KHDRBS2: variants seen among roughly 807,000 people sequenced by gnomAD.
The protein encoded by KHDRBS2 is KH RNA binding domain containing, signal transduction associated 2, also known as KH domain-containing, RNA-binding, signal transduction-associated protein 2.
In KHDRBS2, 26 loss-of-function variants were observed where a neutral mutation model predicts 44.3. The ratio of observed to expected loss-of-function variants is 0.59; its 90% CI spans 0.43 to 0.81. The LOEUF (loss-of-function observed/expected upper bound fraction) is 0.81, where lower values mean the gene tolerates loss of function less well. Among genes scored for constraint, KHDRBS2 ranks in the 40% least tolerant of loss-of-function variants. The probability of loss-of-function intolerance (pLI) is 0.00; values close to 1 mark genes in which losing one functional copy is unlikely to be tolerated. For synonymous variants in KHDRBS2, 194 were observed against 151.1 expected (o/e 1.28, Z -2.08); for missense variants, 476 against 433.1 (o/e 1.10, Z -0.88).
At chr6:61,752,875 C>T (rs1328121309) in intron 6 of KHDRBS2, among the ~76,000 whole-genome samples, 1 of 151,976 alleles carries the variant, frequency 6.6e-6, no homozygotes, top group Non-Finnish European at 1.5e-5. Context: ...TTAATGTAGT[C>T]AGAGCAGGCT....
At position 61,826,380 on chromosome 6, in the gene KHDRBS2, A is replaced by ATCTGC. The variant is rs1202391315; in HGVS notation, c.810+68250_810+68254dup. 2.0e-5 allele frequency among the ~76,000 whole-genome samples: 3 copies of ATCTGC among 152,210 alleles called. No individual in the cohort carries two copies. In the East Asian group the frequency reaches 5.8e-4, roughly 30 times the overall value. ...GAGGATGTATATCTCCCTCTGCCAC[A>ATCTGC]TCTGCTCTCTTCTGATGGGCCAAGG... On this transcript the variant is annotated intron_variant, in intron 6 of 8. Coordinates refer to ENST00000281156, the MANE Select transcript of KHDRBS2 (RefSeq NM_152688.4).
At chr6:61,974,923 TCC>T (rs1554300703) in intron 4 of KHDRBS2, among the ~76,000 whole-genome samples, 1 of 141,760 alleles carries the variant, frequency 7.1e-6, no homozygotes, top group Non-Finnish European at 1.5e-5. Context: ...ATAGCAAGAC[TCC>T]ATCTTAAAAA....
chr6:61,825,207 G>T (rs1169166074), intron 6 of KHDRBS2, among the ~76,000 whole-genome samples: 6 of 152,080 alleles, frequency 3.9e-5, no homozygotes, highest in Non-Finnish European at 1.5e-5. Context: ...AAATGTCATT[G>T]CAGCCTTTAA....
chr6:62,111,842 A>C (rs944040626), intron 2 of KHDRBS2, among the ~76,000 whole-genome samples: 3 of 152,078 alleles, frequency 2.0e-5, no homozygotes, highest in African/African-American at 7.2e-5. Flanking sequence ...TGATCATACC[A>C]TTGAACTCCC....
intron 7 of KHDRBS2, 92 bp downstream of exon 7, chr6:61,732,590 T>C (rs1774655035): frequency 1.3e-6 from 1 of 770,244 alleles, no homozygotes; most frequent in Non-Finnish European, 2.3e-6. Context: ...CTACTAGAAA[T>C]TCTCACATGA....
intron 2 of KHDRBS2, among the ~76,000 whole-genome samples, chr6:62,054,048 G>T (rs572033649): frequency 6.6e-6 from 1 of 152,132 alleles, no homozygotes; most frequent in South Asian, 2.1e-4. Context: ...TTTGTTGAGA[G>T]ATATATTGTG....
At chr6:62,079,024 C>A (rs1411771962) in intron 2 of KHDRBS2, among the ~76,000 whole-genome samples, 1 of 151,814 alleles carries the variant, frequency 6.6e-6, no homozygotes. Context: ...GTATGATAAT[C>A]AAGGTAGCAA....
intron 2 of KHDRBS2, among the ~76,000 whole-genome samples, chr6:62,106,190 A>C (rs933196112): frequency 1.3e-5 from 2 of 152,096 alleles, no homozygotes; most frequent in African/African-American, 4.8e-5. Flanking sequence ...GGAGAGCTTT[A>C]CTTGCAACTA....
chr6:62,219,841 A>G (rs1830591157), intron 1 of KHDRBS2, among the ~76,000 whole-genome samples: 1 of 147,782 alleles, frequency 6.8e-6, no homozygotes, highest in Admixed American at 6.8e-5. Flanking sequence ...ATAATTGTAT[A>G]TATATAACTT....
At chr6:61,544,872 T>C in the KHDRBS2 span, among the ~76,000 whole-genome samples, 1 of 151,978 alleles carries the variant, frequency 6.6e-6, no homozygotes, top group East Asian at 1.9e-4. Context: ...CAGATGGGAA[T>C]TGAACAATGA....
chr6:62,094,014 C>T (rs138547772), intron 2 of KHDRBS2, among the ~76,000 whole-genome samples: 10 of 151,910 alleles, frequency 6.6e-5, no homozygotes, highest in South Asian at 4.1e-4. Flanking sequence ...TTTTGACATA[C>T]GGATTTTATT....
At chr6:62,054,265 A>G (rs1443840330) in intron 2 of KHDRBS2, among the ~76,000 whole-genome samples, 1 of 152,082 alleles carries the variant, frequency 6.6e-6, no homozygotes, top group Admixed American at 6.6e-5. Context: ...CCTTCCACAT[A>G]TCAAGATTCA....
At chr6:61,852,294 A>AT (rs11439587) in intron 6 of KHDRBS2, among the ~76,000 whole-genome samples, 53,150 of 151,718 alleles carry the variant, frequency 0.35, 10,073 homozygotes, top group African/African-American at 0.5. Context: ...TCAAATAAAG[A>AT]TTTTTTCACG....
chr6:62,108,780 G>A (rs1462434670), intron 2 of KHDRBS2, among the ~76,000 whole-genome samples: 1 of 152,106 alleles, frequency 6.6e-6, no homozygotes, highest in Non-Finnish European at 1.5e-5. Context: ...AAAATGATGA[G>A]TTCATGTCCT....
chr6:61,773,800 CA>C (rs1429078221), intron 6 of KHDRBS2, among the ~76,000 whole-genome samples: 1 of 149,698 alleles, frequency 6.7e-6, no homozygotes, highest in Non-Finnish European at 1.5e-5. Context: ...GTCTTTAAAC[CA>C]TCTTGAATTA....
chr6:61,779,555 G>A (rs1246484628), intron 6 of KHDRBS2, among the ~76,000 whole-genome samples: 1 of 152,126 alleles, frequency 6.6e-6, no homozygotes, highest in African/African-American at 2.4e-5. Flanking sequence ...TGGAAAAGAA[G>A]TTAAAGAATG....
chr6:62,191,238 T>C (rs1824533544), intron 1 of KHDRBS2, among the ~76,000 whole-genome samples: 1 of 152,146 alleles, frequency 6.6e-6, no homozygotes, highest in South Asian at 2.1e-4. Context: ...CTAGTCTTAT[T>C]GCTCACCACT....
At chr6:62,199,035 C>G (rs1826318438) in intron 1 of KHDRBS2, among the ~76,000 whole-genome samples, 1 of 152,182 alleles carries the variant, frequency 6.6e-6, no homozygotes, top group African/African-American at 2.4e-5. Flanking sequence ...CAAAATTCAA[C>G]AGCCCTTCAT....
At chr6:62,278,663 T>A (rs1436592067) in intron 1 of KHDRBS2, among the ~76,000 whole-genome samples, 2 of 152,216 alleles carry the variant, frequency 1.3e-5, no homozygotes, top group Non-Finnish European at 2.9e-5. Context: ...CTTTCTTTTC[T>A]AGAAAGTGGA....
Sources: allele counts gnomAD v4.1 joint callset (sites outside exome capture counted in the v4.1 genomes callset), GRCh38; gene constraint gnomAD v4.1.1; transcripts MANE v1.5; gene names NCBI Gene and HGNC (gene_info 2026-07-23, HGNC 2026-07-21).